Variants in PIBF1 observed in about 807,000 individuals in gnomAD.
PIBF1 encodes the protein progesterone-induced-blocking factor 1.
PIBF1 carries 90 observed loss-of-function variants against 112.5 expected under a neutral mutation model. The ratio of observed to expected loss-of-function variants is 0.80; its 90% CI spans 0.67 to 0.95. PIBF1 has a LOEUF of 0.95. Ranked by LOEUF, PIBF1 falls within the 40% of genes least tolerant of loss-of-function variation. The pLI, the probability that PIBF1 is intolerant of heterozygous loss-of-function variation, is 0.00. For missense variants in PIBF1, 915 were observed against 852.3 expected (o/e 1.07, Z -0.92); for synonymous variants, 301 against 288.6 (o/e 1.04, Z -0.44).
At chr13:72,814,281 C>A (rs905776671) in intron 5 of PIBF1, among the ~76,000 whole-genome samples, 1 of 151,498 alleles carries the variant, frequency 6.6e-6, no homozygotes, top group Non-Finnish European at 1.5e-5. Context: ...ACTAAAAATA[C>A]AAAAATTAGC....
At chr13:72,791,903 G>A (rs2034950474) in intron 2 of PIBF1, among the ~76,000 whole-genome samples, 11 of 151,898 alleles carry the variant, frequency 7.2e-5, no homozygotes, top group Admixed American at 7.2e-4. Flanking sequence ...CAAAGTGCTG[G>A]GATTACAGGC....
intron 5 of PIBF1, among the ~76,000 whole-genome samples, chr13:72,813,195 A>G (rs1255760102): frequency 6.6e-6 from 1 of 152,216 alleles, no homozygotes; most frequent in Non-Finnish European, 1.5e-5. Flanking sequence ...TATATAGTCA[A>G]CATTAACTAC....
chr13:72,824,891 G>A (rs1239144389), intron 6 of PIBF1, among the ~76,000 whole-genome samples: 1 of 152,150 alleles, frequency 6.6e-6, no homozygotes, highest in South Asian at 2.1e-4. Context: ...CTGAGAATGC[G>A]TTTCTGTATC....
chr13:72,976,977 C>T (rs999983359), intron 16 of PIBF1, among the ~76,000 whole-genome samples: 3 of 152,032 alleles, frequency 2.0e-5, no homozygotes, highest in Non-Finnish European at 4.4e-5. Flanking sequence ...CATGGACGGC[C>T]CCTGGGAGCC....
At chr13:72,916,997 C>T (rs1594191247) in intron 12 of PIBF1, 79 bp from the exon 13 acceptor site, 1 of 877,370 alleles carries the variant, frequency 1.1e-6, no homozygotes, top group Non-Finnish European at 1.7e-6. Context: ...TTGTTATAAC[C>T]TCCTTTATTT....
At chr13:73,000,829 AT>A (rs768555050) in intron 17 of PIBF1, among the ~76,000 whole-genome samples, 31 of 152,296 alleles carry the variant, frequency 2.0e-4, no homozygotes, top group Admixed American at 1.1e-3. Flanking sequence ...TAACAATAAG[AT>A]TTCCCCAGTA....
At chr13:72,958,849 C>G (rs2042529011) in intron 14 of PIBF1, among the ~76,000 whole-genome samples, 1 of 152,108 alleles carries the variant, frequency 6.6e-6, no homozygotes, top group Non-Finnish European at 1.5e-5. Context: ...GATGGAGTGG[C>G]CTACATCAAG....
At chr13:72,944,735 G>C (rs868151406) in intron 14 of PIBF1, among the ~76,000 whole-genome samples, 1 of 151,852 alleles carries the variant, frequency 6.6e-6, no homozygotes, top group Admixed American at 6.6e-5. Context: ...TTAGATTCAG[G>C]GGTACATGGG....
Position 72,783,343 on chromosome 13 carries a change from C to G in PIBF1, c.-47-80C>G, listed in dbSNP as rs1026353299. The G allele has an allele frequency of 2.0e-5, 13 of 662,596 alleles. No homozygotes were observed. The Admixed American group carries it at 3.9e-4, about 20-fold the overall frequency. The allele number at this position is 662,596 out of a possible 1,614,324, so 41.0% of individuals were successfully genotyped here. A position where few individuals can be genotyped will look rare whatever the true frequency, so the allele number is the denominator to read the frequency against. On this transcript the variant is annotated intron_variant, in intron 1 of 17. Transcript: ENST00000326291. ...TTGCCTAATATTTATTTAAGGAATC[C>G]TTAGTCTCTCTTTAATACAGTCCAT...
intron 10 of PIBF1, among the ~76,000 whole-genome samples, chr13:72,857,666 CT>C (rs1276188500): frequency 6.6e-6 from 1 of 152,162 alleles, no homozygotes; most frequent in Non-Finnish European, 1.5e-5. Flanking sequence ...TGGCAAAACC[CT>C]GTCTCTACTA....
At position 73,011,220 on chromosome 13, in the gene PIBF1, A is replaced by G. The variant is rs192199873; in HGVS notation, c.2224-4649A>G. ...AGGCCAATACAGAGAATGATGATGT[A>G]TCAGAGCAAAAAATCCCATGGATGG... On this transcript the variant is annotated intron_variant, in intron 17 of 17. Transcript: ENST00000326291. 3.3e-5 allele frequency among the ~76,000 whole-genome samples: 5 copies of G among 152,314 alleles called. No homozygotes were observed. The East Asian group carries it at 9.7e-4, about 29-fold the overall frequency.
intron 4 of PIBF1, 64 bp downstream of exon 4, chr13:72,795,621 A>G (rs2035155910): frequency 1.0e-6 from 1 of 995,790 alleles, no homozygotes; most frequent in Non-Finnish European, 1.5e-6. Flanking sequence ...TACCATTTAT[A>G]TAGTAGCAAT....
Position 72,960,033 on chromosome 13 carries a change from A to G in PIBF1, c.1834-5241A>G, listed in dbSNP as rs548097656. On this transcript the variant is annotated intron_variant, in intron 14 of 17. Transcript: ENST00000326291. ...AAATTATGTTTATTTCAAACATGGAATTAGCATCACTTTTTATTCAGAGAT... is the reference window on the plus strand; with the variant it reads ...AAATTATGTTTATTTCAAACATGGAGTTAGCATCACTTTTTATTCAGAGAT... Among the ~76,000 whole-genome samples the G allele has an allele frequency of 5.3e-5, 8 of 152,348 alleles. No homozygotes were observed. In the South Asian group the frequency reaches 1.7e-3, roughly 32 times the overall value.
intron 14 of PIBF1, among the ~76,000 whole-genome samples, chr13:72,931,766 T>G (rs2041711078): frequency 7.7e-6 from 1 of 129,452 alleles, no homozygotes; most frequent in Non-Finnish European, 1.7e-5. Context: ...CATAGCATTT[T>G]TAATCATCTT....
chr13:72,923,304 A>G (rs2041363960), intron 13 of PIBF1, among the ~76,000 whole-genome samples: 1 of 152,224 alleles, frequency 6.6e-6, no homozygotes, highest in Non-Finnish European at 1.5e-5. Flanking sequence ...ACAGACTGCC[A>G]TGGACAGAGC....
intron 15 of PIBF1, among the ~76,000 whole-genome samples, chr13:72,972,462 G>A (rs1400934574): frequency 1.3e-5 from 2 of 152,108 alleles, no homozygotes; most frequent in South Asian, 2.1e-4. Flanking sequence ...TCAGGAATTC[G>A]AGACCAGCCT....
intron 5 of PIBF1, among the ~76,000 whole-genome samples, chr13:72,801,544 G>A (rs140171700): frequency 9.3e-4 from 142 of 152,204 alleles, no homozygotes; most frequent in African/African-American, 2.8e-3. Flanking sequence ...GTAAACAAAC[G>A]TAAAGATGCA....
intron 14 of PIBF1, among the ~76,000 whole-genome samples, chr13:72,953,256 C>T (rs1291359693): frequency 3.9e-5 from 6 of 152,356 alleles, no homozygotes; most frequent in Admixed American, 3.3e-4. Context: ...GAGCCCAGCA[C>T]TGCACCTGTG....
intron 13 of PIBF1, among the ~76,000 whole-genome samples, chr13:72,918,437 G>GAGTGCA (rs1346525902): frequency 1.4e-5 from 2 of 146,368 alleles, no homozygotes; most frequent in Non-Finnish European, 3.0e-5. Context: ...CCCAGGCCTG[G>GAGTGCA]AGTGCAATGG....
Sources: gnomAD v4.1 joint callset for allele counts (sites outside exome capture counted in the v4.1 genomes callset) on GRCh38, gnomAD v4.1.1 for gene constraint, MANE v1.5 for transcripts, NCBI Gene and HGNC (gene_info 2026-07-23, HGNC 2026-07-21) for gene names.